NMNAT2: variants seen among roughly 807,000 people sequenced by gnomAD.
NMNAT2 encodes the protein nicotinamide/nicotinic acid mononucleotide adenylyltransferase 2.
In NMNAT2, 11 loss-of-function variants were observed where a neutral mutation model predicts 41.6. That is an observed-to-expected ratio of 0.26 (90% CI 0.17 to 0.44). NMNAT2 has a LOEUF of 0.44. Among genes scored for constraint, NMNAT2 ranks in the 20% least tolerant of loss-of-function variants. The pLI, the probability that NMNAT2 is intolerant of heterozygous loss-of-function variation, is 1.00. For missense variants in NMNAT2, 288 were observed against 407.7 expected, an observed-to-expected ratio of 0.71 and a Z score of 2.53; for synonymous variants, 148 against 151.2, an observed-to-expected ratio of 0.98 and a Z score of 0.16.
chr1:183,351,711 G>A lies in NMNAT2; in HGVS notation c.86-57918C>T, dbSNP rs78506340. On this transcript the variant is annotated intron_variant, in intron 1 of 10. Transcript: ENST00000287713. ...GCAGCATTCAAGCCAAGGCAGGCTG[G>A]AGATATGGCATTGGGAATTCTTGTT... 1.1e-3 allele frequency among the ~76,000 whole-genome samples: 170 copies of A among 152,310 alleles called. 2 individuals are homozygous for A. In the East Asian group the frequency reaches 0.026, roughly 24 times the overall value.
intron 8 of NMNAT2, 124 bp from the exon 9 acceptor site, chr1:183,261,427 C>T: frequency 1.2e-6 from 1 of 827,438 alleles, no homozygotes; most frequent in Non-Finnish European, 2.0e-6. Context: ...TAGTCCCAAA[C>T]CGGCCTTCTT....
chr1:183,338,078 G>C (rs1297923866), intron 1 of NMNAT2, among the ~76,000 whole-genome samples: 1 of 145,796 alleles, frequency 6.9e-6, no homozygotes, highest in African/African-American at 2.5e-5. Flanking sequence ...ACCTGCATCT[G>C]TAGTCCTAGC....
chr1:183,394,504 C>A (rs1648576968), intron 1 of NMNAT2, among the ~76,000 whole-genome samples: 1 of 152,130 alleles, frequency 6.6e-6, no homozygotes, highest in Admixed American at 6.6e-5. Context: ...TTCTGTAGAG[C>A]CTCTCTCTAC....
intron 1 of NMNAT2, among the ~76,000 whole-genome samples, chr1:183,373,209 T>A (rs1211994828): frequency 6.6e-6 from 1 of 152,250 alleles, no homozygotes; most frequent in Non-Finnish European, 1.5e-5. Flanking sequence ...AGTTGTCATT[T>A]CCTGGTACTT....
At chr1:183,271,463 G>A (rs1047559978) in intron 8 of NMNAT2, among the ~76,000 whole-genome samples, 2 of 152,138 alleles carry the variant, frequency 1.3e-5, no homozygotes, top group African/African-American at 4.8e-5. Flanking sequence ...CAAAGTGCAC[G>A]GTCAGGTACT....
At chr1:183,389,376 G>A (rs1428135759) in intron 1 of NMNAT2, among the ~76,000 whole-genome samples, 1 of 152,062 alleles carries the variant, frequency 6.6e-6, no homozygotes, top group South Asian at 2.1e-4. Context: ...ATTTTTATTT[G>A]TTTTGTCACA....
chr1:183,411,901 T>C (rs1649127517), intron 1 of NMNAT2, among the ~76,000 whole-genome samples: 1 of 151,942 alleles, frequency 6.6e-6, no homozygotes, highest in Non-Finnish European at 1.5e-5. Context: ...GAGGAGAAGG[T>C]TACATTTGAG....
At chr1:183,270,463 G>A (rs1371504936) in intron 8 of NMNAT2, among the ~76,000 whole-genome samples, 1 of 152,024 alleles carries the variant, frequency 6.6e-6, no homozygotes, top group Non-Finnish European at 1.5e-5. Context: ...TGGAGGAAAG[G>A]CTGGGAGGAA....
intron 1 of NMNAT2, among the ~76,000 whole-genome samples, chr1:183,298,699 C>T (rs1412268983): frequency 6.6e-6 from 1 of 152,166 alleles, no homozygotes; most frequent in East Asian, 1.9e-4. Flanking sequence ...GCAGAAGATG[C>T]TGACAATCCT....
At chr1:183,400,325 A>C (rs9727605) in intron 1 of NMNAT2, among the ~76,000 whole-genome samples, 100,816 of 151,842 alleles carry the variant, frequency 0.66, 34,035 homozygotes, top group East Asian at 0.89. Flanking sequence ...TGCTTCAAAG[A>C]GAATAAAATA....
At chr1:183,298,315 A>T (rs1283794720) in intron 1 of NMNAT2, among the ~76,000 whole-genome samples, 2 of 152,260 alleles carry the variant, frequency 1.3e-5, no homozygotes, top group Non-Finnish European at 2.9e-5. Context: ...ATTTACAAGG[A>T]AACTCCAGCA....
In NMNAT2 at chr1:183,395,355, T is replaced by G. The variant is rs142240461; in HGVS notation, c.85+22828A>C. On this transcript the variant is annotated intron_variant, in intron 1 of 10. Transcript: ENST00000287713. Reference sequence around the variant, plus strand: ...TCAAGGGATTTAGAGTGGTAGAAAATGTGATAGAGGTGGGTCAAGGAAGAT... The same window carrying G: ...TCAAGGGATTTAGAGTGGTAGAAAAGGTGATAGAGGTGGGTCAAGGAAGAT... Among the ~76,000 whole-genome samples, 166 of 150,934 alleles carry G rather than the reference T, an allele frequency of 1.1e-3. 1 individual carries two copies. The highest frequency in any genetic ancestry group is 3.6e-3 in the African/African-American group (149 of 41,086).
chr1:183,324,488 T>G lies in NMNAT2; in HGVS notation c.86-30695A>C, dbSNP rs570054891. 2.0e-5 allele frequency among the ~76,000 whole-genome samples: 3 copies of G among 152,290 alleles called. No individual in the cohort carries two copies. In the South Asian group the frequency reaches 6.2e-4, roughly 32 times the overall value. The stretch of plus-strand genomic sequence containing the variant: ...CCTTTACTTAAAATAAACTCCGAAC[T>G]GCTTATCTTGACCCAGAAGGCCCTG... On this transcript the variant is annotated intron_variant, in intron 1 of 10. Coordinates refer to ENST00000287713, the MANE Select transcript of NMNAT2 (RefSeq NM_015039.4).
chr1:183,268,365 A>G (rs1660875830), intron 8 of NMNAT2, among the ~76,000 whole-genome samples: 2 of 152,230 alleles, frequency 1.3e-5, no homozygotes, highest in Non-Finnish European at 2.9e-5. Context: ...AGGGTTGAGC[A>G]AGGCAGATAT....
chr1:183,278,423 AC>A lies in NMNAT2; in HGVS notation c.651+129del, dbSNP rs1355802505. 3.0e-5 allele frequency: 19 copies of A among 625,212 alleles called. No homozygotes were observed. The African/African-American group carries it at 3.5e-4, about 11-fold the overall frequency. 38.7% of individuals were successfully genotyped at this position (625,212 alleles called of 1,614,324 possible). On this transcript the variant is annotated intron_variant, in intron 8 of 10. Coordinates refer to ENST00000287713, the MANE Select transcript of NMNAT2 (RefSeq NM_015039.4). ...GCTTGGGGGTAGGTGAGAATTTTCTACCATAGTGATGTGAACGGACTGCCCT... is the reference window on the plus strand; with the variant it reads ...GCTTGGGGGTAGGTGAGAATTTTCTACATAGTGATGTGAACGGACTGCCCT...
In NMNAT2 at chr1:183,389,820, G is replaced by GAAAGAAAGAAAT. The variant is rs1648406251; in HGVS notation, c.85+28362_85+28363insATTTCTTTCTTT. 5.4e-5 allele frequency among the ~76,000 whole-genome samples: 3 copies of GAAAGAAAGAAAT among 55,220 alleles called. 1 individual carries two copies. The highest frequency in any genetic ancestry group is 7.1e-5 in the Non-Finnish European group (2 of 28,352). The allele number at this position is 55,220 out of a possible 152,430, so 36.2% of individuals were successfully genotyped here. On this transcript the variant is annotated intron_variant, in intron 1 of 10. Transcript: ENST00000287713. ...AGAAAGAAAGAAAGAAAGAAAGAAA[G>GAAAGAAAGAAAT]AAAGAAAGAAAGAAAGAAAGAAAGG...
intron 1 of NMNAT2, among the ~76,000 whole-genome samples, chr1:183,404,795 G>T (rs978322288): frequency 6.6e-6 from 1 of 152,194 alleles, no homozygotes; most frequent in Non-Finnish European, 1.5e-5. Flanking sequence ...TCAAAGAAAG[G>T]AATTAGACAT....
chr1:183,277,561 G>A (rs1456136788), intron 8 of NMNAT2, among the ~76,000 whole-genome samples: 1 of 150,076 alleles, frequency 6.7e-6, no homozygotes. Flanking sequence ...GTCATGAGCT[G>A]TGTTGGAGTA....
chr1:183,322,446 G>C (rs992608475), intron 1 of NMNAT2, among the ~76,000 whole-genome samples: 1 of 152,154 alleles, frequency 6.6e-6, no homozygotes, highest in African/African-American at 2.4e-5. Context: ...TTTAGGGCTA[G>C]GTACCTTCTT....
Sources: allele counts gnomAD v4.1 joint callset (sites outside exome capture counted in the v4.1 genomes callset), GRCh38; gene constraint gnomAD v4.1.1; transcripts MANE v1.5; gene names NCBI Gene and HGNC (gene_info 2026-07-23, HGNC 2026-07-21).